GUCY1A2: variants seen among roughly 807,000 people sequenced by gnomAD.
The protein encoded by GUCY1A2 is guanylate cyclase soluble subunit alpha-2.
GUCY1A2 carries 27 observed loss-of-function variants against 63.5 expected under a neutral mutation model. The ratio of observed to expected loss-of-function variants is 0.43; its 90% CI spans 0.31 to 0.59. The LOEUF (loss-of-function observed/expected upper bound fraction) is 0.59. GUCY1A2 is among the 20% of genes least tolerant of loss of function. The pLI, the probability that GUCY1A2 is intolerant of heterozygous loss-of-function variation, is 0.11. For missense variants in GUCY1A2, 768 were observed against 913.3 expected, an observed-to-expected ratio of 0.84 and a Z score of 2.05; for synonymous variants, 364 against 343.5, an observed-to-expected ratio of 1.06 and a Z score of -0.66.
At chr11:106,929,407 AAAG>A (rs1275487675) in intron 4 of GUCY1A2, among the ~76,000 whole-genome samples, 4 of 152,186 alleles carry the variant, frequency 2.6e-5, no homozygotes, top group African/African-American at 9.6e-5. Context: ...CTAAGCTTTG[AAAG>A]AAGAAGAATT....
At chr11:106,784,833 C>T (rs2135408288) in intron 5 of GUCY1A2, among the ~76,000 whole-genome samples, 1 of 148,518 alleles carries the variant, frequency 6.7e-6, no homozygotes, top group East Asian at 2.0e-4. Context: ...CCGTACTTGT[C>T]CTCCATGTGA....
intron 6 of GUCY1A2, among the ~76,000 whole-genome samples, chr11:106,770,046 A>G (rs1159801162): frequency 6.6e-6 from 1 of 151,438 alleles, no homozygotes; most frequent in African/African-American, 2.4e-5. Context: ...TAAAAAAAAT[A>G]TAACAAACAA....
chr11:107,017,046 TA>T (rs111643507), intron 1 of GUCY1A2, among the ~76,000 whole-genome samples: 14 of 144,800 alleles, frequency 9.7e-5, no homozygotes, highest in East Asian at 5.9e-4. Flanking sequence ...AAATTTAATT[TA>T]AAAAAAAAGA....
At chr11:106,923,147 TTAAG>T (rs1240894169) in intron 4 of GUCY1A2, among the ~76,000 whole-genome samples, 1 of 152,174 alleles carries the variant, frequency 6.6e-6, no homozygotes, top group African/African-American at 2.4e-5. Context: ...GAAATATTGT[TTAAG>T]TAATCAGATT....
intron 7 of GUCY1A2, among the ~76,000 whole-genome samples, chr11:106,702,893 G>A (rs1388752951): frequency 3.9e-5 from 6 of 152,146 alleles, no homozygotes; most frequent in Non-Finnish European, 2.9e-5. Context: ...AATATTGAGT[G>A]TCAACTTGAT....
chr11:106,686,577 G>A lies in GUCY1A2; in HGVS notation c.*972C>T, dbSNP rs1862530050. On this transcript the variant is annotated 3_prime_UTR_variant, in exon 8 of 8. Transcript: ENST00000526355. ...GGAAGAGGAAGGGGGTAACTAACAT[G>A]TCATTTAGCTGAATGCTGTTTATTA... 2 of 218,098 alleles carry A rather than the reference G, an allele frequency of 9.2e-6. No individual in the cohort carries two copies. The highest frequency in any genetic ancestry group is 1.2e-4 in the Admixed American group (2 of 17,224). The allele number at this position is 218,098 out of a possible 1,614,324, so 13.5% of individuals were successfully genotyped here. A position where few individuals can be genotyped will look rare whatever the true frequency, so the allele number is the denominator to read the frequency against.
At chr11:106,773,457 T>C (rs537921927) in intron 6 of GUCY1A2, among the ~76,000 whole-genome samples, 1 of 152,316 alleles carries the variant, frequency 6.6e-6, no homozygotes, top group East Asian at 1.9e-4. Context: ...TAGCTAGAGT[T>C]TGAGACTGTT....
intron 4 of GUCY1A2, among the ~76,000 whole-genome samples, chr11:106,932,092 A>G (rs1054499178): frequency 6.6e-6 from 1 of 152,166 alleles, no homozygotes; most frequent in African/African-American, 2.4e-5. Flanking sequence ...AGGAACAGTT[A>G]AAGGAAGATT....
intron 4 of GUCY1A2, among the ~76,000 whole-genome samples, chr11:106,913,212 G>A (rs1014335421): frequency 7.9e-5 from 12 of 151,802 alleles, no homozygotes; most frequent in Admixed American, 5.9e-4. Flanking sequence ...GTCTTAGTTC[G>A]CTTGCACTGC....
chr11:106,900,858 G>C (rs1017454013), intron 4 of GUCY1A2, among the ~76,000 whole-genome samples: 1 of 152,188 alleles, frequency 6.6e-6, no homozygotes, highest in Non-Finnish European at 1.5e-5. Context: ...ATGATTATCT[G>C]AGCCTTCAGC....
At position 106,688,929 on chromosome 11, in the gene GUCY1A2, G is replaced by A. The variant is rs572708289; in HGVS notation, c.1992-1173C>T. 3.3e-5 allele frequency among the ~76,000 whole-genome samples: 5 copies of A among 152,278 alleles called. No individual in the cohort carries two copies. The East Asian group carries it at 9.7e-4, about 29-fold the overall frequency. On this transcript the variant is annotated intron_variant, in intron 7 of 7. Coordinates refer to ENST00000526355, the MANE Select transcript of GUCY1A2 (RefSeq NM_000855.3). Reference sequence around the variant, plus strand: ...AATGAGGGTTAAGGCTGGGGCAGTAGGTTAGGAAAAAGTTTTAAAGCCCTA... The same window carrying A: ...AATGAGGGTTAAGGCTGGGGCAGTAAGTTAGGAAAAAGTTTTAAAGCCCTA...
intron 4 of GUCY1A2, among the ~76,000 whole-genome samples, chr11:106,913,828 G>A (rs1010261070): frequency 6.6e-6 from 1 of 151,830 alleles, no homozygotes; most frequent in Non-Finnish European, 1.5e-5. Flanking sequence ...ATTTCCTATA[G>A]GGGAAAATAC....
At chr11:106,811,902 G>A (rs1348000181) in intron 4 of GUCY1A2, among the ~76,000 whole-genome samples, 5 of 151,944 alleles carry the variant, frequency 3.3e-5, no homozygotes, top group Non-Finnish European at 7.4e-5. Context: ...TCACAGTATG[G>A]TGGAGAACCA....
intron 6 of GUCY1A2, among the ~76,000 whole-genome samples, chr11:106,763,788 T>C (rs1864110703): frequency 6.6e-6 from 1 of 152,108 alleles, no homozygotes; most frequent in Non-Finnish European, 1.5e-5. Context: ...AGTAAAGGCT[T>C]GCAGGCTGAC....
chr11:106,762,855 A>G (rs1258871061), intron 6 of GUCY1A2, among the ~76,000 whole-genome samples: 2 of 152,066 alleles, frequency 1.3e-5, no homozygotes, highest in African/African-American at 2.4e-5. Flanking sequence ...AGGCTGGCCA[A>G]ATGTTTCACA....
intron 4 of GUCY1A2, among the ~76,000 whole-genome samples, chr11:106,927,381 A>G (rs1042075713): frequency 7.9e-5 from 12 of 151,968 alleles, no homozygotes; most frequent in African/African-American, 2.9e-4. Context: ...TCAAAAAAAA[A>G]ATCAAGATTA....
chr11:106,906,450 G>A (rs1467939617), intron 4 of GUCY1A2, among the ~76,000 whole-genome samples: 1 of 152,176 alleles, frequency 6.6e-6, no homozygotes, highest in Non-Finnish European at 1.5e-5. Context: ...ACAAATGCTG[G>A]TGAGGCTGTG....
intron 4 of GUCY1A2, among the ~76,000 whole-genome samples, chr11:106,923,873 G>C (rs768808986): frequency 6.6e-6 from 1 of 152,028 alleles, no homozygotes; most frequent in East Asian, 1.9e-4. Context: ...GGAAATTTTC[G>C]TGGGGTAAAA....
intron 1 of GUCY1A2, among the ~76,000 whole-genome samples, chr11:107,012,327 A>C (rs1308974495): frequency 6.7e-6 from 1 of 149,770 alleles, no homozygotes; most frequent in African/African-American, 2.5e-5. Context: ...TTAGGTGACT[A>C]GCAAGTGAAT....
Sources: gnomAD v4.1 joint callset for allele counts (sites outside exome capture counted in the v4.1 genomes callset) on GRCh38, gnomAD v4.1.1 for gene constraint, MANE v1.5 for transcripts, NCBI Gene and HGNC (gene_info 2026-07-23, HGNC 2026-07-21) for gene names.